The following SPIRE1 variants were observed in gnomAD, a reference collection of about 807,000 sequenced individuals.
SPIRE1 encodes the protein spire type actin nucleation factor 1.
A neutral mutation model predicts 94.1 loss-of-function variants in SPIRE1; 40 were observed. The observed-to-expected ratio is 0.43, with a 90% CI of 0.33 to 0.55. The LOEUF is 0.55. SPIRE1 is among the 20% of genes least tolerant of loss of function. The pLI is 0.06. For synonymous variants in SPIRE1, 376 were observed against 371.7 expected, an observed-to-expected ratio of 1.01 and a Z score of -0.13; for missense variants, 838 against 975.2, an observed-to-expected ratio of 0.86 and a Z score of 1.87.
At chr18:12,659,689 TGAAAGA>T (rs1472709898), upstream of SPIRE1, among the ~76,000 whole-genome samples, 1 of 151,692 alleles carries the variant, frequency 6.6e-6, no homozygotes, top group Non-Finnish European at 1.5e-5. Flanking sequence ...AATAATAAAT[TGAAAGA>T]GGAGAAGAAA....
intron 10 of SPIRE1, among the ~76,000 whole-genome samples, chr18:12,473,040 T>C (rs1295392196): frequency 6.6e-6 from 1 of 152,132 alleles, no homozygotes; most frequent in Non-Finnish European, 1.5e-5. Flanking sequence ...AGTGATCCAC[T>C]CACCTTGGCC....
At chr18:12,508,361 C>T (rs945453488) in intron 5 of SPIRE1, among the ~76,000 whole-genome samples, 15 of 152,088 alleles carry the variant, frequency 9.9e-5, no homozygotes, top group South Asian at 6.2e-4. Context: ...CATTTCCCAT[C>T]CTCTTGTTCC....
At position 12,450,413 on chromosome 18, in the gene SPIRE1, G is replaced by A. The variant is rs80122072; in HGVS notation, c.2013-517C>T. 3.0e-3 allele frequency: 1,290 copies of A among 430,070 alleles called. 33 individuals carry two copies. In the East Asian group the frequency reaches 0.046, roughly 15 times the overall value. 26.6% of individuals were successfully genotyped at this position (430,070 alleles called of 1,614,324 possible). A position where few individuals can be genotyped will look rare whatever the true frequency, so the allele number is the denominator to read the frequency against. ...GCAGAAAACATGTCTTATTAAGACA[G>A]GCACTGCCCAGACTATCGAACAATA... On this transcript the variant is annotated intron_variant, in intron 16 of 16. Coordinates refer to ENST00000409402, the MANE Select transcript of SPIRE1 (RefSeq NM_001128626.2).
At chr18:12,508,714 C>T (rs1368491749) in intron 5 of SPIRE1, among the ~76,000 whole-genome samples, 1 of 151,092 alleles carries the variant, frequency 6.6e-6, no homozygotes, top group African/African-American at 2.4e-5. Context: ...GCTCTTGTCG[C>T]CCCATGTTGG....
chr18:12,514,909 G>C (rs2034150588), intron 4 of SPIRE1, among the ~76,000 whole-genome samples: 1 of 152,150 alleles, frequency 6.6e-6, no homozygotes, highest in African/African-American at 2.4e-5. Flanking sequence ...GTATTAAACA[G>C]GTCAACAAGA....
chr18:12,525,487 T>A (rs916844418), intron 4 of SPIRE1, among the ~76,000 whole-genome samples: 3 of 151,940 alleles, frequency 2.0e-5, no homozygotes, highest in African/African-American at 7.2e-5. Context: ...ACTGTTGTCA[T>A]TTCATCTGTT....
chr18:12,556,172 G>T (rs961855037), intron 2 of SPIRE1, among the ~76,000 whole-genome samples: 3 of 151,988 alleles, frequency 2.0e-5, no homozygotes, highest in African/African-American at 7.3e-5. Flanking sequence ...CACAAAAAAT[G>T]GAAAGATAGT....
intron 4 of SPIRE1, among the ~76,000 whole-genome samples, chr18:12,514,334 A>G (rs1302158479): frequency 6.6e-6 from 1 of 151,924 alleles, no homozygotes; most frequent in East Asian, 1.9e-4. Flanking sequence ...ACTAGCAGTT[A>G]CTCTAGTTTA....
At chr18:12,612,908 C>T (rs1422783257) in intron 2 of SPIRE1, among the ~76,000 whole-genome samples, 1 of 152,158 alleles carries the variant, frequency 6.6e-6, no homozygotes, top group African/African-American at 2.4e-5. Flanking sequence ...TGTACTTCGA[C>T]CACCTTGTTA....
chr18:12,506,257 A>G (rs1307578739), intron 6 of SPIRE1, among the ~76,000 whole-genome samples: 1 of 152,098 alleles, frequency 6.6e-6, no homozygotes, highest in Admixed American at 6.6e-5. Flanking sequence ...TCCTGGGTTC[A>G]AGCGATTCTT....
intron 2 of SPIRE1, among the ~76,000 whole-genome samples, chr18:12,570,028 C>T (rs533541995): frequency 6.6e-6 from 1 of 152,336 alleles, no homozygotes; most frequent in East Asian, 1.9e-4. Flanking sequence ...GGCAGCCTCA[C>T]TATTGAATAG....
rs981537119 is a variant in SPIRE1 at position 12,559,181 on chromosome 18, G to T, written c.373-12277C>A. ...ATCTGCTTAGGAGCCCACGGGGTGG[G>T]GTGGGGTGGGGGGGCGCCGGCATGG... On this transcript the variant is annotated intron_variant, in intron 2 of 16. Transcript: ENST00000409402. The surrounding 1 kb of genome is among the most constrained non-coding windows in gnomAD (Gnocchi z 4.7). Among the ~76,000 whole-genome samples the T allele has an allele frequency of 6.6e-6, 1 of 151,738 alleles. No homozygotes were observed. Among genetic ancestry groups the T allele is most frequent in the African/African-American group, 2.4e-5 (1 of 41,300 alleles).
intron 3 of SPIRE1, among the ~76,000 whole-genome samples, chr18:12,539,480 A>G (rs556770524): frequency 9.2e-5 from 14 of 152,238 alleles, no homozygotes; most frequent in Admixed American, 5.9e-4. Context: ...TGTCTTTATC[A>G]GCAGTATGAA....
intron 1 of SPIRE1, among the ~76,000 whole-genome samples, chr18:12,646,060 G>A (rs910002689): frequency 5.3e-5 from 8 of 152,186 alleles, no homozygotes; most frequent in African/African-American, 1.9e-4. Context: ...TAACTGATTA[G>A]CAGTTATATG....
chr18:12,640,041 C>T (rs2038043626), intron 1 of SPIRE1, among the ~76,000 whole-genome samples: 1 of 152,122 alleles, frequency 6.6e-6, no homozygotes, highest in South Asian at 2.1e-4. Context: ...CTTCAGCAGA[C>T]ATTATAAATC....
intron 1 of SPIRE1, among the ~76,000 whole-genome samples, chr18:12,652,345 T>C (rs984032153): frequency 6.6e-6 from 1 of 152,218 alleles, no homozygotes; most frequent in African/African-American, 2.4e-5. Flanking sequence ...CATCAACTTG[T>C]ACCTAATAAA....
At chr18:12,618,929 G>T (rs1477411264) in intron 2 of SPIRE1, among the ~76,000 whole-genome samples, 1 of 152,008 alleles carries the variant, frequency 6.6e-6, no homozygotes, top group Non-Finnish European at 1.5e-5. Flanking sequence ...TTGTTGCCCA[G>T]GCTGGAGTGC....
intron 2 of SPIRE1, among the ~76,000 whole-genome samples, chr18:12,611,033 C>T (rs2037126250): frequency 6.6e-6 from 1 of 152,266 alleles, no homozygotes; most frequent in Non-Finnish European, 1.5e-5. Context: ...TAATAACTCT[C>T]CAACAATTCT....
At chr18:12,647,856 G>C (rs2038264966) in intron 1 of SPIRE1, among the ~76,000 whole-genome samples, 1 of 152,166 alleles carries the variant, frequency 6.6e-6, no homozygotes, top group African/African-American at 2.4e-5. Context: ...GAGCTCCCTG[G>C]AAATATGGGT....
Sources: gnomAD v4.1 joint callset for allele counts (sites outside exome capture counted in the v4.1 genomes callset) on GRCh38, gnomAD v4.1.1 for gene constraint, Gnocchi (gnomAD v3.1) non-coding constraint, MANE v1.5 for transcripts, NCBI Gene and HGNC (gene_info 2026-07-23, HGNC 2026-07-21) for gene names.